TRAF2: variants seen among roughly 807,000 people sequenced by gnomAD.
TRAF2 encodes TNF receptor-associated factor 2.
In TRAF2, 6 loss-of-function variants were observed where a neutral mutation model predicts 55.6. That is an observed-to-expected ratio of 0.11 (90% confidence interval 0.06 to 0.21). The LOEUF (loss-of-function observed/expected upper bound fraction) is 0.21, where lower values mean the gene tolerates loss of function less well. TRAF2 is among the 10% of genes least tolerant of loss of function. TRAF2 has a pLI of 1.00. For missense variants in TRAF2, 561 were observed against 684.5 expected (o/e 0.82, Z 2.01); for synonymous variants, 329 against 276.3 (o/e 1.19, Z -1.89).
intron 4 of TRAF2, among the ~76,000 whole-genome samples, chr9:136,904,771 C>T (rs557429213): frequency 1.0e-3 from 20 of 19,690 alleles, no homozygotes; most frequent in Admixed American, 5.0e-3. Context: ...TTTTAGGTTT[C>T]ATAAGCCAGA....
intron 6 of TRAF2, among the ~76,000 whole-genome samples, 157 bp from the exon 7 acceptor site, chr9:136,916,384 G>A (rs186039719): frequency 1.3e-4 from 20 of 152,116 alleles, no homozygotes; most frequent in African/African-American, 2.7e-4. Context: ...TGAGCGTGTC[G>A]CTTTGGAAAT....
intron 1 of TRAF2, among the ~76,000 whole-genome samples, chr9:136,896,769 C>T (rs572920008): frequency 5.9e-4 from 90 of 152,188 alleles, no homozygotes; most frequent in Middle Eastern, 3.4e-3. Flanking sequence ...CCGCCACGCC[C>T]GGCTAATTTT....
At chr9:136,888,101 C>T (rs1849494507) in intron 1 of TRAF2, among the ~76,000 whole-genome samples, 1 of 151,968 alleles carries the variant, frequency 6.6e-6, no homozygotes, top group African/African-American at 2.4e-5. Context: ...AAACTCTTGA[C>T]CTTAGGTGAT....
At chr9:136,908,374 A>G (rs974160890) in intron 5 of TRAF2, 143 bp downstream of exon 5, 200 of 966,722 alleles carry the variant, frequency 2.1e-4, no homozygotes, top group Non-Finnish European at 2.8e-4. Context: ...ACGCGGGCGG[A>G]TGTTTCTTGG....
chr9:136,911,938 C>T (rs974093679), intron 6 of TRAF2, among the ~76,000 whole-genome samples: 5 of 142,368 alleles, frequency 3.5e-5, no homozygotes, highest in African/African-American at 1.3e-4. Flanking sequence ...CAAGCTCCGC[C>T]TCCTGGGTTC....
intron 2 of TRAF2, 75 bp from the exon 3 acceptor site, chr9:136,899,519 G>T (rs1849766065): frequency 1.4e-6 from 2 of 1,436,874 alleles, no homozygotes; most frequent in South Asian, 1.2e-5. Flanking sequence ...GTAGGTTTTT[G>T]AACTGAAGCA....
chr9:136,901,933 C>G (rs537667177), intron 4 of TRAF2: 1 of 152,400 alleles, frequency 6.6e-6, no homozygotes, highest in Admixed American at 6.5e-5. Flanking sequence ...TTGACAGACT[C>G]TGCTTTGTGG....
intron 3 of TRAF2, 30 bp downstream of exon 3, chr9:136,899,702 T>C: frequency 6.2e-7 from 1 of 1,601,028 alleles, no homozygotes; most frequent in South Asian, 1.1e-5. Flanking sequence ...GCTAAAAATG[T>C]TGAACAGAAA....
chr9:136,915,667 TG>T (rs1436770900), intron 6 of TRAF2, among the ~76,000 whole-genome samples: 1 of 152,048 alleles, frequency 6.6e-6, no homozygotes, highest in Non-Finnish European at 1.5e-5. Context: ...CAACCTCCTA[TG>T]GGTGGCAAGG....
chr9:136,898,728 G>T lies in TRAF2; in HGVS notation c.-13G>T. The T allele has an allele frequency of 1.2e-6, 2 of 1,613,064 alleles. No homozygotes were observed. The highest frequency in any genetic ancestry group is 1.7e-6 in the Non-Finnish European group (2 of 1,179,986). ...TCTTCCTTAGGGCTTTGTTCGCGGG[G>T]GTCACAGCTCTCATGGCTGCAGCTA... On this transcript the variant is annotated 5_prime_UTR_variant, in exon 2 of 11. Coordinates refer to ENST00000247668, the MANE Select transcript of TRAF2 (RefSeq NM_021138.4).
At chr9:136,887,467 A>G (rs978790407) in intron 1 of TRAF2, among the ~76,000 whole-genome samples, 8 of 152,126 alleles carry the variant, frequency 5.3e-5, no homozygotes, top group Admixed American at 2.0e-4. Flanking sequence ...GCTGAGGGTC[A>G]GTGCAGAAGA....
At chr9:136,885,079 C>T (rs982449492), upstream of TRAF2, among the ~76,000 whole-genome samples, 3 of 152,212 alleles carry the variant, frequency 2.0e-5, no homozygotes, top group East Asian at 5.8e-4. Flanking sequence ...TCCTGAGTTC[C>T]ATCTCAAGGC....
intron 5 of TRAF2, 26 bp from the exon 6 acceptor site, chr9:136,909,894 C>T (rs4448378): frequency 0.74 from 1,198,371 of 1,613,080 alleles, 447,166 homozygotes; most frequent in East Asian, 0.88. Context: ...CGTCCACCCT[C>T]ACACTCCTGA....
chr9:136,886,814 C>T (rs1849462291), intron 1 of TRAF2: 1 of 167,810 alleles, frequency 6.0e-6, no homozygotes. Context: ...GGGCACGGTC[C>T]GGGGTTTTGC....
intron 1 of TRAF2, among the ~76,000 whole-genome samples, chr9:136,898,049 C>T (rs550545574): frequency 1.8e-4 from 27 of 147,122 alleles, no homozygotes; most frequent in African/African-American, 6.8e-4. Flanking sequence ...GAGGGGAACC[C>T]GTGGTAGCTA....
At chr9:136,898,535 G>T in intron 1 of TRAF2, 178 bp from the exon 2 acceptor site, 2 of 970,356 alleles carry the variant, frequency 2.1e-6, no homozygotes, top group Middle Eastern at 5.3e-4. Flanking sequence ...GCGGGAGATG[G>T]GACTAGAGGG....
intron 4 of TRAF2, among the ~76,000 whole-genome samples, chr9:136,901,447 C>T (rs540480133): frequency 6.6e-6 from 1 of 152,282 alleles, no homozygotes; most frequent in East Asian, 1.9e-4. Flanking sequence ...GAAGGCGATT[C>T]GGACACACAC....
intron 7 of TRAF2, 30 bp from the exon 8 acceptor site, chr9:136,920,204 G>A: frequency 6.3e-7 from 1 of 1,578,056 alleles, no homozygotes; most frequent in Non-Finnish European, 8.6e-7. Flanking sequence ...GGTGGATGGA[G>A]CCAGCAGCCT....
chr9:136,892,327 G>A (rs1237569130), intron 1 of TRAF2, among the ~76,000 whole-genome samples: 1 of 152,052 alleles, frequency 6.6e-6, no homozygotes, highest in Non-Finnish European at 1.5e-5. Flanking sequence ...AGCTGGGCAT[G>A]GTGACTGGTG....
Sources: allele counts gnomAD v4.1 joint callset (sites outside exome capture counted in the v4.1 genomes callset), GRCh38; gene constraint gnomAD v4.1.1; transcripts MANE v1.5; gene names NCBI Gene and HGNC (gene_info 2026-07-23, HGNC 2026-07-21).